SETD2: variants seen among roughly 807,000 people sequenced by gnomAD.
SETD2 encodes the protein SET domain containing 2, histone lysine methyltransferase, also known as histone-lysine N-methyltransferase SETD2.
SETD2 carries 31 observed loss-of-function variants against 242.1 expected under a neutral mutation model. The ratio of observed to expected loss-of-function variants is 0.13; its 90% CI spans 0.10 to 0.17. The LOEUF is 0.17. Among genes scored for constraint, SETD2 ranks in the 10% least tolerant of loss-of-function variants. SETD2 has a pLI of 1.00. For synonymous variants in SETD2, 1,006 were observed against 1,066.5 expected, an observed-to-expected ratio of 0.94 and a Z score of 1.11; for missense variants, 2,481 against 3,046.3, an observed-to-expected ratio of 0.81 and a Z score of 4.37.
intron 18 of SETD2, among the ~76,000 whole-genome samples, chr3:47,022,447 G>T (rs1482082655): frequency 6.6e-6 from 1 of 152,080 alleles, no homozygotes; most frequent in Non-Finnish European, 1.5e-5. Context: ...AGGCTGCAGT[G>T]AGCTGTGATC....
intron 1 of SETD2, among the ~76,000 whole-genome samples, chr3:47,147,441 G>A (rs2106812638): frequency 6.6e-6 from 1 of 150,678 alleles, no homozygotes; most frequent in Admixed American, 6.6e-5. Context: ...TCCTGCCTCA[G>A]CCGCCCGACT....
intron 1 of SETD2, chr3:47,145,432 C>T (rs2043829426): frequency 3.1e-6 from 1 of 318,956 alleles, no homozygotes; most frequent in East Asian, 8.5e-5. Flanking sequence ...GCTTTGTTGC[C>T]CAGGCTGGAG....
At chr3:47,020,933 T>C (rs1477322033) in intron 18 of SETD2, among the ~76,000 whole-genome samples, 2 of 152,244 alleles carry the variant, frequency 1.3e-5, no homozygotes, top group African/African-American at 4.8e-5. Flanking sequence ...ATCAACTTTC[T>C]CTGCTGTGTC....
chr3:47,060,738 GAC>G (rs1575706964), intron 14 of SETD2, among the ~76,000 whole-genome samples: 1 of 151,964 alleles, frequency 6.6e-6, no homozygotes, highest in Admixed American at 6.6e-5. Flanking sequence ...TACCATATAT[GAC>G]ACATTCAGCT....
intron 5 of SETD2, among the ~76,000 whole-genome samples, chr3:47,111,441 A>G (rs1348395994): frequency 6.6e-6 from 1 of 152,168 alleles, no homozygotes; most frequent in African/African-American, 2.4e-5. Flanking sequence ...ATACTGGCTC[A>G]CACTTATAGT....
chr3:47,135,606 A>G (rs2043573993), intron 1 of SETD2, among the ~76,000 whole-genome samples: 1 of 152,172 alleles, frequency 6.6e-6, no homozygotes, highest in Non-Finnish European at 1.5e-5. Flanking sequence ...TAATACAGAA[A>G]AAAAATCAAA....
intron 1 of SETD2, among the ~76,000 whole-genome samples, chr3:47,144,909 C>T (rs551974304): frequency 3.9e-5 from 6 of 152,246 alleles, no homozygotes; most frequent in East Asian, 3.9e-4. Flanking sequence ...TGAGATCACA[C>T]CACTGCACTC....
intron 13 of SETD2, among the ~76,000 whole-genome samples, chr3:47,065,991 A>G (rs1157869077): frequency 6.6e-6 from 1 of 152,200 alleles, no homozygotes; most frequent in African/African-American, 2.4e-5. Context: ...CCCTTGAACA[A>G]CATGAGTTTG....
intron 1 of SETD2, among the ~76,000 whole-genome samples, chr3:47,145,317 T>C (rs1407691886): frequency 1.3e-5 from 2 of 152,340 alleles, no homozygotes; most frequent in Non-Finnish European, 2.9e-5. Flanking sequence ...CTTATACACA[T>C]GGCCTGAAGG....
intron 14 of SETD2, 87 bp from the exon 15 acceptor site, chr3:47,057,577 T>A: frequency 1.1e-6 from 1 of 945,952 alleles, no homozygotes; most frequent in Non-Finnish European, 1.6e-6. Flanking sequence ...CACTCATGAC[T>A]AAACCACTAA....
Position 47,122,139 on chromosome 3 carries a change from G to C in SETD2, c.2497C>G (p.Pro833Ala). 1 of 1,613,856 alleles carries C rather than the reference G, an allele frequency of 6.2e-7. No individual in the cohort carries two copies. Among genetic ancestry groups the C allele is most frequent in the Non-Finnish European group, 8.5e-7 (1 of 1,179,888 alleles). Residue 833 changes from proline (P) to alanine (A), a missense_variant, in exon 3 of 21, where the codon CCA (proline) becomes GCA (alanine). Around this residue, in one of 17 missense-constraint regions of SETD2, gnomAD observed 1,300 missense variants for 1,259.2 expected, o/e 1.03. Transcript: ENST00000409792. ...SFMNVHLESK[P>A]VICDSRNLTD... The stretch of plus-strand genomic sequence containing the variant: ...AAATTTCTACTATCACATATAACTG[G>C]TTTTGATTCCAAATGCACATTCATA...
chr3:47,043,820 G>T (rs555916907), intron 16 of SETD2, among the ~76,000 whole-genome samples: 3 of 152,176 alleles, frequency 2.0e-5, no homozygotes, highest in African/African-American at 7.2e-5. Flanking sequence ...CTTATAAAGT[G>T]ACCTCTTTTC....
intron 1 of SETD2, among the ~76,000 whole-genome samples, chr3:47,146,015 CAAAAAAAA>C (rs1171574770): frequency 1.0e-3 from 40 of 38,678 alleles, no homozygotes; most frequent in Middle Eastern, 0.031. Context: ...GACCCTGTCT[CAAAAAAAA>C]AAAAAAAAAA....
intron 1 of SETD2, among the ~76,000 whole-genome samples, chr3:47,161,911 TAA>T (rs774374329): frequency 6.4e-4 from 77 of 119,844 alleles, no homozygotes; most frequent in Admixed American, 6.1e-4. Flanking sequence ...ACCCTGCCTC[TAA>T]AAAAAAAAAA....
chr3:47,160,790 G>C (rs1240927635), intron 1 of SETD2, among the ~76,000 whole-genome samples: 1 of 152,116 alleles, frequency 6.6e-6, no homozygotes, highest in Non-Finnish European at 1.5e-5. Flanking sequence ...TTCATTAAAA[G>C]AGTTCCTTAA....
At chr3:47,049,171 T>C (rs72913651) in intron 15 of SETD2, among the ~76,000 whole-genome samples, 11,236 of 151,356 alleles carry the variant, frequency 0.074, 1,403 homozygotes, top group African/African-American at 0.26. Flanking sequence ...CTTGAACTCT[T>C]GTGTTTGAGT....
At chr3:47,104,519 A>C (rs1249868831) in intron 6 of SETD2, among the ~76,000 whole-genome samples, 1 of 152,076 alleles carries the variant, frequency 6.6e-6, no homozygotes, top group African/African-American at 2.4e-5. Flanking sequence ...CAGGCTGGGC[A>C]ACAGAGCAAG....
chr3:47,049,304 AATATATATATATATAT>A (rs55952850), intron 15 of SETD2, among the ~76,000 whole-genome samples: 2,019 of 108,512 alleles, frequency 0.019, 118 homozygotes, highest in Admixed American at 0.11. Context: ...AAGTTTTCTA[AATATATATATATATAT>A]ATATATATAT....
chr3:47,095,740 A>G (rs2041980515), intron 9 of SETD2, among the ~76,000 whole-genome samples: 1 of 152,096 alleles, frequency 6.6e-6, no homozygotes, highest in Admixed American at 6.5e-5. Flanking sequence ...ATATGTCAAT[A>G]AACTGTTACA....
Sources: allele counts gnomAD v4.1 joint callset (sites outside exome capture counted in the v4.1 genomes callset), GRCh38; gene constraint gnomAD v4.1.1; regional missense constraint gnomAD v4.1.1; transcripts MANE v1.5; gene names NCBI Gene and HGNC (gene_info 2026-07-23, HGNC 2026-07-21).